HTR1F: variants seen among roughly 807,000 people sequenced by gnomAD.
HTR1F encodes 5-hydroxytryptamine receptor 1F, also known as 5-hydroxytryptamine (serotonin) receptor 1F, G protein-coupled.
HTR1F carries 17 observed loss-of-function variants against 24.0 expected under a neutral mutation model. That is an observed-to-expected ratio of 0.71 (90% CI 0.48 to 1.06). HTR1F has a LOEUF of 1.06. HTR1F is among the 50% of genes least tolerant of loss of function. HTR1F has a pLI of 0.00. For missense variants in HTR1F, 391 were observed against 427.8 expected (o/e 0.91, Z 0.76); for synonymous variants, 186 against 156.8 (o/e 1.19, Z -1.39).
intron 2 of HTR1F, among the ~76,000 whole-genome samples, chr3:87,969,464 G>A (rs1040773911): frequency 6.6e-6 from 1 of 152,206 alleles, no homozygotes; most frequent in African/African-American, 2.4e-5. Context: ...AGAGCTTTAA[G>A]ATTTGACTGC....
chr3:87,929,502 T>G (rs923167366), intron 2 of HTR1F, among the ~76,000 whole-genome samples: 1 of 152,206 alleles, frequency 6.6e-6, no homozygotes, highest in African/African-American at 2.4e-5. Flanking sequence ...ATTTATAGAT[T>G]CAAGTTTCTG....
At chr3:87,851,561 G>A (rs1705086903) in intron 2 of HTR1F, among the ~76,000 whole-genome samples, 1 of 151,370 alleles carries the variant, frequency 6.6e-6, no homozygotes, top group African/African-American at 2.4e-5. Flanking sequence ...GCTATTTCAT[G>A]GGACTTTTCA....
intron 2 of HTR1F, among the ~76,000 whole-genome samples, chr3:87,893,240 A>G (rs1160947873): frequency 2.0e-5 from 3 of 152,170 alleles, no homozygotes; most frequent in African/African-American, 7.2e-5. Context: ...ATCAACTATA[A>G]TTAAACAAAA....
At chr3:87,933,757 A>G (rs1405457243) in intron 2 of HTR1F, among the ~76,000 whole-genome samples, 1 of 152,246 alleles carries the variant, frequency 6.6e-6, no homozygotes, top group East Asian at 1.9e-4. Flanking sequence ...AAGAATCAAT[A>G]TTATGAAAAT....
At chr3:87,861,114 AC>A (rs1433984042) in intron 2 of HTR1F, among the ~76,000 whole-genome samples, 1 of 152,212 alleles carries the variant, frequency 6.6e-6, no homozygotes, top group Non-Finnish European at 1.5e-5. Context: ...CCAAGATCGC[AC>A]CACTGCAGTC....
intron 1 of HTR1F, among the ~76,000 whole-genome samples, chr3:87,808,760 G>A (rs901302644): frequency 6.6e-6 from 1 of 151,588 alleles, no homozygotes; most frequent in Non-Finnish European, 1.5e-5. Context: ...TATCAGCTTT[G>A]TTCTTAGCAC....
chr3:87,965,685 AAAC>A (rs1367866614), intron 2 of HTR1F, among the ~76,000 whole-genome samples: 1 of 152,214 alleles, frequency 6.6e-6, no homozygotes, highest in Non-Finnish European at 1.5e-5. Context: ...AGGAGATACT[AAAC>A]AACCACAGAA....
intron 1 of HTR1F, among the ~76,000 whole-genome samples, chr3:87,818,371 C>A (rs776092984): frequency 2.0e-5 from 3 of 152,142 alleles, no homozygotes; most frequent in Non-Finnish European, 4.4e-5. Context: ...TTGCGTATTT[C>A]CTATGTCAAT....
At chr3:87,985,166 T>C (rs1301722364) in intron 2 of HTR1F, among the ~76,000 whole-genome samples, 1 of 151,944 alleles carries the variant, frequency 6.6e-6, no homozygotes, top group Admixed American at 6.6e-5. Context: ...AGAAACCCCC[T>C]CTCTACTAAA....
intron 2 of HTR1F, among the ~76,000 whole-genome samples, chr3:87,839,024 A>ATTTTTT (rs1372260151): frequency 1.6e-5 from 2 of 124,618 alleles, no homozygotes; most frequent in Non-Finnish European, 3.7e-5. Context: ...TTTTATTTTT[A>ATTTTTT]TTTTTTTTTT....
At chr3:87,794,769 T>G (rs1027507516) in intron 1 of HTR1F, among the ~76,000 whole-genome samples, 1 of 152,158 alleles carries the variant, frequency 6.6e-6, no homozygotes, top group African/African-American at 2.4e-5. Flanking sequence ...ATTATATAAA[T>G]GGGTGGGATT....
At chr3:87,931,589 G>A (rs1332383756) in intron 2 of HTR1F, among the ~76,000 whole-genome samples, 2 of 152,118 alleles carry the variant, frequency 1.3e-5, no homozygotes, top group African/African-American at 4.8e-5. Context: ...GGATCAAATG[G>A]TATATCTAGT....
chr3:87,829,664 T>G (rs72911668), intron 2 of HTR1F, among the ~76,000 whole-genome samples: 32,307 of 152,204 alleles, frequency 0.21, 3,609 homozygotes, highest in East Asian at 0.37. Context: ...TTAACTATTC[T>G]TTTTTGGTTC....
chr3:87,881,352 C>A (rs781656417), intron 2 of HTR1F, among the ~76,000 whole-genome samples: 279 of 152,318 alleles, frequency 1.8e-3, no homozygotes, highest in Non-Finnish European at 1.8e-3. Context: ...TGAGATCCAC[C>A]TGCAAGGCAG....
At chr3:87,880,582 C>A (rs1705769792) in intron 2 of HTR1F, among the ~76,000 whole-genome samples, 1 of 151,634 alleles carries the variant, frequency 6.6e-6, no homozygotes. Context: ...TTCATTGATA[C>A]CTAAAATTAA....
chr3:87,824,818 A>G (rs1192006318), intron 2 of HTR1F, among the ~76,000 whole-genome samples: 2 of 152,240 alleles, frequency 1.3e-5, no homozygotes, highest in Non-Finnish European at 2.9e-5. Flanking sequence ...AATAAATAAT[A>G]AAATTCTGTT....
At chr3:87,980,865 T>C (rs1384553083) in intron 2 of HTR1F, among the ~76,000 whole-genome samples, 2 of 152,150 alleles carry the variant, frequency 1.3e-5, no homozygotes, top group African/African-American at 4.8e-5. Context: ...GAGTGGGTGC[T>C]GGGAGTGGGG....
At chr3:87,938,638 A>T (rs993977627) in intron 2 of HTR1F, among the ~76,000 whole-genome samples, 5 of 152,146 alleles carry the variant, frequency 3.3e-5, no homozygotes, top group Non-Finnish European at 7.3e-5. Context: ...AAGGCTGCAC[A>T]CCTAAGACCA....
chr3:87,890,640 A>G (rs1156327741), intron 2 of HTR1F, among the ~76,000 whole-genome samples: 1 of 151,802 alleles, frequency 6.6e-6, no homozygotes, highest in Non-Finnish European at 1.5e-5. Flanking sequence ...AACCACCTTA[A>G]CTTAGTAATC....
Sources: allele counts gnomAD v4.1 joint callset (sites outside exome capture counted in the v4.1 genomes callset), GRCh38; gene constraint gnomAD v4.1.1; transcripts MANE v1.5; gene names NCBI Gene and HGNC (gene_info 2026-07-23, HGNC 2026-07-21).